Variants in TXNDC15 observed in about 807,000 individuals in gnomAD.
The protein encoded by TXNDC15 is thioredoxin domain-containing protein 15.
In TXNDC15, 24 loss-of-function variants were observed where a neutral mutation model predicts 35.0. The observed-to-expected ratio is 0.68, with a 90% CI of 0.50 to 0.96. The LOEUF (loss-of-function observed/expected upper bound fraction) is 0.96. TXNDC15 is among the 40% of genes least tolerant of loss of function. TXNDC15 has a pLI of 0.00. For synonymous variants in TXNDC15, 169 were observed against 174.0 expected (o/e 0.97, Z 0.23); for missense variants, 385 against 453.3 (o/e 0.85, Z 1.37).
rs558156977 is a variant in TXNDC15 at position 134,881,938 on chromosome 5, G to C, written c.104-5757G>C. On this transcript the variant is annotated intron_variant, in intron 1 of 4. Transcript: ENST00000358387. Reference sequence around the variant, plus strand: ...TCCCGGACGGGGCGGCTGGCCAGGTGGGGGGCTGACCCCCCCACCTCCCTC... The same window carrying C: ...TCCCGGACGGGGCGGCTGGCCAGGTCGGGGGCTGACCCCCCCACCTCCCTC... 8.6e-5 allele frequency among the ~76,000 whole-genome samples: 13 copies of C among 150,550 alleles called. No homozygotes were observed. In the South Asian group the frequency reaches 2.5e-3, roughly 29 times the overall value.
At chr5:134,896,878 C>T (rs1025001682) in intron 4 of TXNDC15, among the ~76,000 whole-genome samples, 25 of 151,870 alleles carry the variant, frequency 1.6e-4, no homozygotes, top group East Asian at 1.6e-3. Context: ...CTCCTGACCT[C>T]GTGATCCACC....
rs768959909 is a variant in TXNDC15, at chr5:134,874,404, G to A, written c.-24G>A. The stretch of plus-strand genomic sequence containing the variant: ...GGCAGCACGACTCGCGTAGCCGTGC[G>A]CCGATTGCCTCTCGGCCTGGGCAAT... On this transcript the variant is annotated 5_prime_UTR_variant, in exon 1 of 5. Transcript: ENST00000358387. 3.2e-6 allele frequency: 5 copies of A among 1,574,128 alleles called. No homozygotes were observed. Among genetic ancestry groups the A allele is most frequent in the Non-Finnish European group, 4.3e-6 (5 of 1,165,498 alleles).
intron 2 of TXNDC15, among the ~76,000 whole-genome samples, chr5:134,890,705 T>C (rs562724906): frequency 5.0e-4 from 76 of 152,238 alleles, no homozygotes; most frequent in Non-Finnish European, 8.8e-4. Context: ...CCACCACACC[T>C]GGCCTGTGGC....
In TXNDC15 at chr5:134,893,521, T is replaced by G. The variant is rs748224789; in HGVS notation, c.621T>G (p.Gly207=). 18 of 1,614,084 alleles carry G rather than the reference T, an allele frequency of 1.1e-5. No individual in the cohort carries two copies. The Middle Eastern group carries it at 4.9e-4, about 44-fold the overall frequency. The part of the protein sequence containing the change: ...QDLMDFLNPN[G]SDCTLVLFYT... ...TTATGGATTTTCTGAACCCAAACGG[T>G]AGTGACTGTACTCTAGTCCTGTTTT... Residue 207 remains glycine (G), a synonymous_variant, in exon 3 of 5, where the codon GGT becomes GGG. Transcript: ENST00000358387.
chr5:134,899,712 G>C lies in TXNDC15; in HGVS notation c.*27G>C. The C allele has an allele frequency of 6.5e-7, 1 of 1,528,954 alleles. No homozygotes were observed. Among genetic ancestry groups the C allele is most frequent in the African/African-American group, 1.4e-5 (1 of 71,240 alleles). 94.7% of individuals were successfully genotyped at this position (1,528,954 alleles called of 1,614,324 possible). ...GATGGTCTGAAAGAAGTTGGAAAGAGGAACTTCAATCCTTCGTTTCAGAAA... is the reference window on the plus strand; with the variant it reads ...GATGGTCTGAAAGAAGTTGGAAAGACGAACTTCAATCCTTCGTTTCAGAAA... On this transcript the variant is annotated 3_prime_UTR_variant, in exon 5 of 5. Coordinates refer to ENST00000358387, the MANE Select transcript of TXNDC15 (RefSeq NM_024715.4).
At position 134,886,390 on chromosome 5, in the gene TXNDC15, C is replaced by T. The variant is rs563896405; in HGVS notation, c.104-1305C>T. The stretch of plus-strand genomic sequence containing the variant: ...GAGCTTTCGTGAGGGCTGCTGGCCT[C>T]ACTGGTTTCTGCTGGTTGGTGCCTG... On this transcript the variant is annotated intron_variant, in intron 1 of 4. Transcript: ENST00000358387. 4.6e-5 allele frequency among the ~76,000 whole-genome samples: 7 copies of T among 152,366 alleles called. No individual in the cohort carries two copies. In the East Asian group the frequency reaches 1.2e-3, roughly 25 times the overall value.
At chr5:134,887,529 C>G (rs752321242) in intron 1 of TXNDC15, among the ~76,000 whole-genome samples, 166 bp from the exon 2 acceptor site, 2 of 152,134 alleles carry the variant, frequency 1.3e-5, no homozygotes, top group Non-Finnish European at 2.9e-5. Flanking sequence ...CTGCTTGTGA[C>G]CTTCTTCCTA....
chr5:134,880,560 C>T (rs1168371490), intron 1 of TXNDC15, among the ~76,000 whole-genome samples: 1 of 151,936 alleles, frequency 6.6e-6, no homozygotes, highest in Non-Finnish European at 1.5e-5. Context: ...CCTCGGCCTC[C>T]CGAGCAGCTG....
chr5:134,881,776 G>A (rs1257789017), intron 1 of TXNDC15, among the ~76,000 whole-genome samples: 3 of 149,040 alleles, frequency 2.0e-5, no homozygotes, highest in Non-Finnish European at 3.0e-5. Flanking sequence ...GGGCAGAGGC[G>A]CCCCTCACCT....
rs543330500 is a variant in TXNDC15, at chr5:134,899,551, A to G, written c.949A>G (p.Thr317Ala). 85 of 1,614,064 alleles carry G rather than the reference A, an allele frequency of 5.3e-5. No homozygotes were observed. In the South Asian group the frequency reaches 9.0e-4, roughly 17 times the overall value. The change falls in exon 5 of 5, where the codon ACT becomes GCT. Residue 317 changes from threonine to alanine, a missense_variant. By Grantham distance (58) the Thr-to-Ala change is moderately conservative. Transcript: ENST00000358387. ...QADQIGPLPS[T>A]LIKSVDWLLV... ...CGACCAAATAGGCCCTCTTCCCAGC[A>G]CTTTGATAAAAAGTGTGGACTGGTT...
At chr5:134,890,916 G>A (rs192535850) in intron 2 of TXNDC15, among the ~76,000 whole-genome samples, 4 of 152,182 alleles carry the variant, frequency 2.6e-5, no homozygotes, top group African/African-American at 9.7e-5. Context: ...TTCACCAGGC[G>A]TAGATGCCAT....
intron 1 of TXNDC15, among the ~76,000 whole-genome samples, chr5:134,887,465 G>A (rs1366217625): frequency 6.6e-6 from 1 of 152,224 alleles, no homozygotes. Context: ...AGAATTACAG[G>A]TGTGAACCAC....
rs186628523 is a variant in TXNDC15 at position 134,885,981 on chromosome 5, G to C, written c.104-1714G>C. On this transcript the variant is annotated intron_variant, in intron 1 of 4. Transcript: ENST00000358387. ...GAGCTCTATGCCCTAGTGTGAGGTA[G>C]ATCAGTAGGGTAACTGTAGTTCATA... Among the ~76,000 whole-genome samples the C allele has an allele frequency of 1.9e-3, 285 of 152,328 alleles. 1 individual carries two copies. Among genetic ancestry groups the C allele is most frequent in the Admixed American group, 3.6e-3 (55 of 15,288 alleles).
intron 1 of TXNDC15, among the ~76,000 whole-genome samples, chr5:134,886,728 A>C (rs995135998): frequency 6.6e-6 from 1 of 152,218 alleles, no homozygotes; most frequent in Non-Finnish European, 1.5e-5. Flanking sequence ...TGGCTTGAAC[A>C]GTGTTCTTCA....
chr5:134,874,131 G>GA, upstream of TXNDC15: 1 of 313,104 alleles, frequency 3.2e-6, no homozygotes, highest in East Asian at 5.3e-5. Context: ...ACTTCCGAGG[G>GA]AAGAAAGGAG....
At chr5:134,880,222 T>G (rs547738158) in intron 1 of TXNDC15, among the ~76,000 whole-genome samples, 4 of 152,278 alleles carry the variant, frequency 2.6e-5, no homozygotes, top group Admixed American at 2.6e-4. Context: ...CTCGCCCCCT[T>G]TATAGCTAGA....
intron 4 of TXNDC15, among the ~76,000 whole-genome samples, chr5:134,898,703 T>G (rs1418375693): frequency 6.6e-6 from 1 of 152,214 alleles, no homozygotes; most frequent in Admixed American, 6.5e-5. Context: ...AACACAAATC[T>G]GGGAGTCAGA....
chr5:134,874,239 A>G, upstream of TXNDC15: 1 of 559,844 alleles, frequency 1.8e-6, no homozygotes, highest in Non-Finnish European at 3.1e-6. Flanking sequence ...AGAGGTCTCC[A>G]GTCCAGCGCC....
At chr5:134,896,651 CTTT>C (rs11438328) in intron 4 of TXNDC15, among the ~76,000 whole-genome samples, 8 of 134,400 alleles carry the variant, frequency 6.0e-5, no homozygotes, top group African/African-American at 1.1e-4. Context: ...TTTTTTTTCC[CTTT>C]TTTTTTTTTT....
Sources: gnomAD v4.1 joint callset for allele counts (sites outside exome capture counted in the v4.1 genomes callset) on GRCh38, gnomAD v4.1.1 for gene constraint, MANE v1.5 for transcripts, NCBI Gene and HGNC (gene_info 2026-07-23, HGNC 2026-07-21) for gene names.